SCGB2B2: variants seen among roughly 807,000 people sequenced by gnomAD.
SCGB2B2 encodes the protein secretoglobin-like protein.
SCGB2B2 carries 11 observed loss-of-function variants against 7.6 expected under a neutral mutation model. The ratio of observed to expected loss-of-function variants is 1.45; its 90% CI spans 0.91 to 2.40. The LOEUF (loss-of-function observed/expected upper bound fraction) is 2.40, where lower values mean the gene tolerates loss of function less well. Among genes scored for constraint, SCGB2B2 ranks in the 30% most tolerant of loss-of-function variants. SCGB2B2 has a pLI of 0.00. For synonymous variants in SCGB2B2, 50 were observed against 48.6 expected (o/e 1.03, Z -0.12); for missense variants, 104 against 115.4 (o/e 0.90, Z 0.45).
At chr19:34,605,086 A>AT (rs536960253) in intron 1 of SCGB2B2, among the ~76,000 whole-genome samples, 225 of 152,252 alleles carry the variant, frequency 1.5e-3, no homozygotes, top group Non-Finnish European at 2.6e-3. Flanking sequence ...GTCAGTATAG[A>AT]TTAGTTTGCA....
downstream of SCGB2B2, among the ~76,000 whole-genome samples, chr19:34,588,453 G>A (rs931545590): frequency 2.0e-5 from 3 of 152,236 alleles, no homozygotes; most frequent in Non-Finnish European, 4.4e-5. Flanking sequence ...GCCGGGCCAG[G>A]TGGGCGGGAG....
chr19:34,645,025 T>C (rs1327766505), intron 1 of SCGB2B2, among the ~76,000 whole-genome samples: 11 of 152,362 alleles, frequency 7.2e-5, no homozygotes, highest in African/African-American at 2.4e-4. Flanking sequence ...CTCACCCAAG[T>C]GTGCAGTCCA....
chr19:34,635,550 A>G, intron 1 of SCGB2B2: 1 of 259,676 alleles, frequency 3.9e-6, no homozygotes. Flanking sequence ...TCTCTGGTGT[A>G]CAGTAAGGCT....
chr19:34,625,790 G>T (rs940652144), intron 1 of SCGB2B2, among the ~76,000 whole-genome samples: 1 of 152,196 alleles, frequency 6.6e-6, no homozygotes, highest in Non-Finnish European at 1.5e-5. Context: ...CCAGCACACA[G>T]CTTGAGATCT....
At chr19:34,626,776 C>T (rs190541038) in intron 1 of SCGB2B2, among the ~76,000 whole-genome samples, 1,568 of 152,172 alleles carry the variant, frequency 0.01, 33 homozygotes, top group African/African-American at 0.035. Flanking sequence ...AGATACTCCT[C>T]GAGAAGAGCA....
At chr19:34,671,968 CT>C (rs1286621973) in intron 1 of SCGB2B2, among the ~76,000 whole-genome samples, 3 of 151,894 alleles carry the variant, frequency 2.0e-5, no homozygotes, top group African/African-American at 7.3e-5. Flanking sequence ...CATAAAATTC[CT>C]TATTACTGTT....
intron 1 of SCGB2B2, chr19:34,637,705 C>G (rs1170288530): frequency 1.3e-5 from 2 of 151,514 alleles, no homozygotes; most frequent in Admixed American, 6.6e-5. Context: ...TTTTCCTGAT[C>G]AGATCTATAA....
chr19:34,594,299 T>A lies in SCGB2B2; in HGVS notation c.122A>T (p.Asp41Val). The A allele has an allele frequency of 6.2e-7, 1 of 1,613,870 alleles. No individual in the cohort carries two copies. The highest frequency in any genetic ancestry group is 8.5e-7 in the Non-Finnish European group (1 of 1,179,930). ...ACGAGCAAGCTCCTCCTTCAGGAGG[T>A]CTTGGGACACATCAAACACAACATT... ...LANVVFDVSQ[D>V]LLKEELARYN... Residue 41 changes from aspartate to valine, a missense_variant, in exon 3 of 4, where the codon GAC becomes GTC. By Grantham distance (152) the Asp-to-Val change is radical. Coordinates refer to ENST00000601241, the MANE Select transcript of SCGB2B2 (RefSeq NM_001025591.4).
downstream of SCGB2B2, among the ~76,000 whole-genome samples, chr19:34,587,647 A>G (rs2065211185): frequency 6.6e-6 from 1 of 152,160 alleles, no homozygotes; most frequent in Non-Finnish European, 1.5e-5. Flanking sequence ...CCTATTCACT[A>G]TGATGTGAAT....
At chr19:34,652,325 G>GAGAGAAGAGACAACTTGC (rs1231790630) in intron 1 of SCGB2B2, among the ~76,000 whole-genome samples, 2 of 151,150 alleles carry the variant, frequency 1.3e-5, no homozygotes, top group Non-Finnish European at 2.9e-5. Context: ...ACAATCAACA[G>GAGAGAAGAGACAACTTGC]AGAGAAGAGA....
rs535017415 is a variant in SCGB2B2, at chr19:34,628,927, A to G, written c.-2031-32333T>C. On this transcript the variant is annotated intron_variant, in intron 1 of 3. Transcript: ENST00000601241. ...ATCAAAAAGCTTATCCACCACAATC[A>G]AGTTGGCTTCATCCCTGGGATGCAA... 3.3e-5 allele frequency among the ~76,000 whole-genome samples: 5 copies of G among 152,066 alleles called. No homozygotes were observed. In the South Asian group the frequency reaches 1.0e-3, roughly 32 times the overall value.
chr19:34,648,052 G>A (rs918702141), intron 1 of SCGB2B2, among the ~76,000 whole-genome samples: 3 of 152,312 alleles, frequency 2.0e-5, no homozygotes, highest in Admixed American at 2.0e-4. Flanking sequence ...GGGTGGATGC[G>A]ATGCCACTCC....
intron 1 of SCGB2B2, among the ~76,000 whole-genome samples, chr19:34,672,778 C>T (rs2067833930): frequency 6.6e-6 from 1 of 152,202 alleles, no homozygotes; most frequent in Non-Finnish European, 1.5e-5. Context: ...AAACCTGAAA[C>T]TTTGTCTCCC....
rs2065277400 is a variant in SCGB2B2, at chr19:34,590,681, T to C, written c.*2874A>G. Among the ~76,000 whole-genome samples, 1 of 152,180 alleles carries C rather than the reference T, an allele frequency of 6.6e-6. No homozygotes were observed. Among genetic ancestry groups the C allele is most frequent in the Admixed American group, 6.5e-5 (1 of 15,278 alleles). On this transcript the variant is annotated 3_prime_UTR_variant, in exon 4 of 4. Transcript: ENST00000601241. Reference sequence around the variant, plus strand: ...TACAAGTAGGGAATATAATTCCTTATACCAACAATACAGAGATCATCACAT... The same window carrying C: ...TACAAGTAGGGAATATAATTCCTTACACCAACAATACAGAGATCATCACAT...
downstream of SCGB2B2, among the ~76,000 whole-genome samples, chr19:34,588,495 T>C (rs16969511): frequency 1.2e-3 from 181 of 152,294 alleles, 2 homozygotes; most frequent in African/African-American, 4.1e-3. Flanking sequence ...AAATGCTTCT[T>C]ATTGCTATTG....
intron 1 of SCGB2B2, among the ~76,000 whole-genome samples, chr19:34,617,742 G>A (rs2066124990): frequency 6.6e-6 from 1 of 152,182 alleles, no homozygotes; most frequent in Non-Finnish European, 1.5e-5. Context: ...AGTGGTGAGA[G>A]AGGACATCCC....
chr19:34,629,485 G>A (rs894948016), intron 1 of SCGB2B2, among the ~76,000 whole-genome samples: 2 of 151,846 alleles, frequency 1.3e-5, no homozygotes, highest in East Asian at 3.8e-4. Context: ...CAGATAAACA[G>A]AGAACCAAAT....
chr19:34,594,541 C>T lies in SCGB2B2; in HGVS notation c.23G>A (p.Cys8Tyr), dbSNP rs2065389595. ...GCAGATCAGAGCCAGCAGAAGAGCA[C>T]AGGTGGCGGATGTCACCCTCATGAC... MRVTSAT[C>Y]ALLLALICSV... is the part of the protein sequence containing the mutation. The change falls in exon 2 of 4, where the codon TGT (cysteine) becomes TAT (tyrosine). Residue 8 changes from cysteine (C) to tyrosine (Y), a missense_variant. Physicochemically the swap from Cys to Tyr is radical, Grantham distance 194. Transcript: ENST00000601241. 6.2e-7 allele frequency: 1 copy of T among 1,613,018 alleles called. No individual in the cohort carries two copies. Among genetic ancestry groups the T allele is most frequent in the Admixed American group, 1.7e-5 (1 of 60,002 alleles).
chr19:34,603,633 A>C (rs189805901), intron 1 of SCGB2B2, among the ~76,000 whole-genome samples: 7 of 152,286 alleles, frequency 4.6e-5, no homozygotes, highest in African/African-American at 1.7e-4. Context: ...TTATAGGGAG[A>C]GAGCCTAGGC....
Sources: allele counts gnomAD v4.1 joint callset (sites outside exome capture counted in the v4.1 genomes callset), GRCh38; gene constraint gnomAD v4.1.1; transcripts MANE v1.5; gene names NCBI Gene and HGNC (gene_info 2026-07-23, HGNC 2026-07-21).